The following SLC25A21 variants were observed in gnomAD, a reference collection of about 807,000 sequenced individuals.
SLC25A21 encodes mitochondrial 2-oxodicarboxylate carrier.
SLC25A21 carries 47 observed loss-of-function variants against 43.8 expected under a neutral mutation model. The observed-to-expected ratio is 1.07, with a 90% CI of 0.85 to 1.37. SLC25A21 has a LOEUF of 1.37. Ranked by LOEUF, SLC25A21 falls within the 40% of genes most tolerant of loss-of-function variation. SLC25A21 has a pLI of 0.00. For synonymous variants in SLC25A21, 131 were observed against 121.3 expected (o/e 1.08, Z -0.52); for missense variants, 352 against 350.2 (o/e 1.00, Z -0.04).
intron 4 of SLC25A21, among the ~76,000 whole-genome samples, chr14:36,732,992 A>T (rs1016641652): frequency 6.6e-6 from 1 of 152,218 alleles, no homozygotes; most frequent in Admixed American, 6.5e-5. Context: ...GGCACAGAAC[A>T]TTGCTTTTGG....
At chr14:37,121,689 G>A (rs1963210315) in intron 1 of SLC25A21, among the ~76,000 whole-genome samples, 1 of 152,036 alleles carries the variant, frequency 6.6e-6, no homozygotes, top group Non-Finnish European at 1.5e-5. Flanking sequence ...TTGGGAGGCT[G>A]AGGCAGGAAA....
chr14:36,923,333 G>A (rs1425828441), intron 1 of SLC25A21, among the ~76,000 whole-genome samples: 1 of 152,028 alleles, frequency 6.6e-6, no homozygotes, highest in Non-Finnish European at 1.5e-5. Context: ...ATATGCCACA[G>A]AAAAATATAT....
rs965094556 is a variant in SLC25A21, at chr14:36,711,428, G to A, written c.493C>T (p.Leu165Phe). 3 of 1,613,982 alleles carry A rather than the reference G, an allele frequency of 1.9e-6. No homozygotes were observed. The highest frequency in any genetic ancestry group is 1.3e-5 in the African/African-American group (1 of 74,922). Residue 165 changes from leucine (L) to phenylalanine (F), a missense_variant, in exon 7 of 10, where the codon CTC becomes TTC. Physicochemically the swap from Leu to Phe is conservative, Grantham distance 22. Transcript: ENST00000331299. ...GTTAATCCTTTGTTGAGGCCCTGGA[G>A]TCCCCAGCCTTCCTTCTTAATGATT... ...RQIIKKEGWG[L>F]QGLNKGLTAT...
chr14:37,141,915 G>A (rs761582990), intron 1 of SLC25A21, among the ~76,000 whole-genome samples: 9 of 152,098 alleles, frequency 5.9e-5, no homozygotes, highest in African/African-American at 1.7e-4. Context: ...ATAGAGCGAC[G>A]TAAAAAATGC....
intron 1 of SLC25A21, among the ~76,000 whole-genome samples, chr14:37,089,499 A>T (rs911775127): frequency 6.6e-6 from 1 of 152,220 alleles, no homozygotes; most frequent in African/African-American, 2.4e-5. Context: ...TGTAGAACTC[A>T]CACTACTATA....
chr14:36,954,490 T>C (rs1261168607), intron 1 of SLC25A21, among the ~76,000 whole-genome samples: 3 of 139,624 alleles, frequency 2.1e-5, no homozygotes, highest in Non-Finnish European at 4.8e-5. Flanking sequence ...CATACATACA[T>C]ATATATATAT....
chr14:36,766,056 T>C (rs1229358282), intron 3 of SLC25A21, among the ~76,000 whole-genome samples: 1 of 152,040 alleles, frequency 6.6e-6, no homozygotes, highest in Non-Finnish European at 1.5e-5. Context: ...GAAATATCAT[T>C]TTTACACACC....
intron 1 of SLC25A21, among the ~76,000 whole-genome samples, chr14:37,102,006 A>C (rs1405469175): frequency 6.6e-6 from 1 of 152,214 alleles, no homozygotes; most frequent in Non-Finnish European, 1.5e-5. Context: ...GCTGCATCAC[A>C]TGAGTTAATG....
chr14:37,162,423 T>A (rs1276205927), intron 1 of SLC25A21, among the ~76,000 whole-genome samples: 1 of 57,248 alleles, frequency 1.7e-5, no homozygotes, highest in South Asian at 6.2e-4. Flanking sequence ...GAATCTACAA[T>A]GAACTCAAAC....
At chr14:36,980,713 C>T (rs532641452) in intron 1 of SLC25A21, among the ~76,000 whole-genome samples, 1 of 152,322 alleles carries the variant, frequency 6.6e-6, no homozygotes, top group Admixed American at 6.5e-5. Flanking sequence ...GAGCTGCATT[C>T]CTTTGGAGGA....
At chr14:36,831,082 T>C (rs761200089) in intron 2 of SLC25A21, among the ~76,000 whole-genome samples, 28 of 152,238 alleles carry the variant, frequency 1.8e-4, no homozygotes, top group Non-Finnish European at 3.5e-4. Flanking sequence ...ACATACAAAA[T>C]ATCATTAAAA....
At chr14:36,875,990 C>T (rs1382261111) in intron 1 of SLC25A21, among the ~76,000 whole-genome samples, 1 of 152,136 alleles carries the variant, frequency 6.6e-6, no homozygotes, top group Non-Finnish European at 1.5e-5. Flanking sequence ...TACACGGTCA[C>T]TGATATGCAC....
intron 1 of SLC25A21, among the ~76,000 whole-genome samples, chr14:37,091,680 T>C (rs77970035): frequency 0.021 from 3,268 of 152,292 alleles, 126 homozygotes; most frequent in African/African-American, 0.074. Context: ...GAAAGAACCA[T>C]AAGTATTGAC....
At chr14:36,887,731 C>T (rs1246146984) in intron 1 of SLC25A21, among the ~76,000 whole-genome samples, 1 of 152,044 alleles carries the variant, frequency 6.6e-6, no homozygotes, top group Non-Finnish European at 1.5e-5. Context: ...CAAGACTTGC[C>T]CATTTCTGGG....
intron 1 of SLC25A21, among the ~76,000 whole-genome samples, chr14:36,890,450 A>C (rs1390401426): frequency 6.6e-6 from 1 of 152,144 alleles, no homozygotes; most frequent in Non-Finnish European, 1.5e-5. Context: ...GATGGGGATG[A>C]GAACATGGTA....
chr14:36,929,319 G>A (rs185616904), intron 1 of SLC25A21, among the ~76,000 whole-genome samples: 1 of 152,136 alleles, frequency 6.6e-6, no homozygotes, highest in African/African-American at 2.4e-5. Flanking sequence ...CTAACAAAAA[G>A]ATAGAAAACT....
intron 2 of SLC25A21, among the ~76,000 whole-genome samples, chr14:36,830,899 C>T (rs1286929053): frequency 2.0e-5 from 3 of 152,034 alleles, no homozygotes; most frequent in African/African-American, 2.4e-5. Context: ...CCCCAGTTTC[C>T]CCTCTCTCTC....
intron 3 of SLC25A21, among the ~76,000 whole-genome samples, chr14:36,797,362 GA>G (rs1011724429): frequency 2.0e-5 from 3 of 151,792 alleles, no homozygotes; most frequent in African/African-American, 7.3e-5. Flanking sequence ...CAAAAGAGAA[GA>G]AAAAAAGGCT....
chr14:36,768,494 G>A (rs573444138), intron 3 of SLC25A21, among the ~76,000 whole-genome samples: 1 of 151,806 alleles, frequency 6.6e-6, no homozygotes, highest in Non-Finnish European at 1.5e-5. Flanking sequence ...CCCCACCGTC[G>A]CCTCTTCTGA....
Sources: allele counts gnomAD v4.1 joint callset (sites outside exome capture counted in the v4.1 genomes callset), GRCh38; gene constraint gnomAD v4.1.1; transcripts MANE v1.5; gene names NCBI Gene and HGNC (gene_info 2026-07-23, HGNC 2026-07-21).